Variants in APOL3 observed in about 807,000 individuals in gnomAD.
The protein encoded by APOL3 is apolipoprotein L3.
Under a neutral mutation model 11.6 loss-of-function variants are expected in APOL3, and 14 were observed. The ratio of observed to expected loss-of-function variants is 1.21; its 90% CI spans 0.80 to 1.89. The LOEUF is 1.89. Among genes scored for constraint, APOL3 ranks in the 40% most tolerant of loss-of-function variants. The pLI is 0.00. For synonymous variants in APOL3, 192 were observed against 190.6 expected (o/e 1.01, Z -0.06); for missense variants, 483 against 492.1 (o/e 0.98, Z 0.17).
intron 2 of APOL3, among the ~76,000 whole-genome samples, chr22:36,143,351 T>G (rs1232238057): frequency 5.3e-5 from 8 of 152,252 alleles, no homozygotes; most frequent in Admixed American, 5.2e-4. Flanking sequence ...CTGTGTTCTT[T>G]CCCTGTGATA....
chr22:36,149,440 G>C (rs966560272), intron 1 of APOL3: 241 of 1,254,612 alleles, frequency 1.9e-4, no homozygotes, highest in Admixed American at 3.9e-4. Context: ...AAACTACAGA[G>C]TCTATACACC....
upstream of APOL3, among the ~76,000 whole-genome samples, chr22:36,163,167 G>C (rs905551327): frequency 2.6e-5 from 4 of 152,300 alleles, no homozygotes; most frequent in Admixed American, 6.5e-5. Context: ...GAGGCAAAAT[G>C]GTTTCTTATG....
At chr22:36,158,951 G>C (rs781452459) in intron 1 of APOL3, among the ~76,000 whole-genome samples, 29 of 145,778 alleles carry the variant, frequency 2.0e-4, no homozygotes, top group Non-Finnish European at 2.9e-4. Context: ...AATCTGAATA[G>C]CAGGTGTGAG....
intron 2 of APOL3, 70 bp downstream of exon 3, chr22:36,145,403 A>G: frequency 6.4e-7 from 1 of 1,557,594 alleles, no homozygotes; most frequent in Non-Finnish European, 8.7e-7. Flanking sequence ...CCTGCCAGAG[A>G]AAACTAGCCC....
exon 3 of APOL3, chr22:36,140,953 T>C (rs2059961673): frequency 3.9e-6 from 2 of 511,910 alleles, no homozygotes; most frequent in Non-Finnish European, 6.8e-6. Flanking sequence ...TTCTTCTTCC[T>C]ATTCCCCACA....
chr22:36,144,287 C>T (rs911939181), intron 2 of APOL3, among the ~76,000 whole-genome samples: 3 of 152,170 alleles, frequency 2.0e-5, no homozygotes, highest in African/African-American at 7.2e-5. Flanking sequence ...GCTGCTCCTC[C>T]AACCCAGGCC....
upstream of APOL3, among the ~76,000 whole-genome samples, chr22:36,161,711 T>TG (rs1355973901): frequency 2.0e-5 from 3 of 152,024 alleles, no homozygotes; most frequent in Non-Finnish European, 1.5e-5. Context: ...CTGAACAAAG[T>TG]GGGGGGCGGA....
upstream of APOL3, among the ~76,000 whole-genome samples, chr22:36,163,727 A>C (rs1258036031): frequency 1.3e-5 from 2 of 152,338 alleles, no homozygotes; most frequent in East Asian, 3.9e-4. Flanking sequence ...ATGGTCAAGG[A>C]TATTGGGATG....
At chr22:36,141,174 C>T (rs150178861) in exon 3 of APOL3, 1 of 1,600,342 alleles carries the variant, frequency 6.2e-7, no homozygotes, top group Non-Finnish European at 8.5e-7. Flanking sequence ...TGGCTCACCT[C>T]CCCTGCTGGC....
Position 36,160,775 on chromosome 22 carries a change from G to C in APOL3, c.117C>G (p.Ser39Arg), listed in dbSNP as rs132653. 6.2e-7 allele frequency: 1 copy of C among 1,613,900 alleles called. No homozygotes were observed. The highest frequency in any genetic ancestry group is 8.5e-7 in the Non-Finnish European group (1 of 1,179,966). ...CATAATAACCAGACACGTTCTCCAG[G>C]CTCTGAGATATACCCTGGAACCCAA... The change falls in exon 1 of 3, where the codon AGC (serine) becomes AGG (arginine). Residue 39 changes from serine (S) to arginine (R), a missense_variant. Ser to Arg is a moderately radical substitution (Grantham distance 110). Transcript: ENST00000349314.
upstream of APOL3, among the ~76,000 whole-genome samples, chr22:36,163,356 T>A (rs1444206471): frequency 6.6e-6 from 1 of 152,172 alleles, no homozygotes; most frequent in African/African-American, 2.4e-5. Flanking sequence ...CCATAGTGGG[T>A]CATAACCTTT....
chr22:36,157,798 C>T (rs1333190137), intron 1 of APOL3, among the ~76,000 whole-genome samples: 1 of 152,062 alleles, frequency 6.6e-6, no homozygotes, highest in Non-Finnish European at 1.5e-5. Flanking sequence ...ACCTGTAATC[C>T]CAGCACTTTG....
intron 1 of APOL3, chr22:36,150,097 C>T (rs1296610585): frequency 5.7e-6 from 2 of 348,434 alleles, no homozygotes; most frequent in African/African-American, 4.3e-5. Context: ...CAGGCATCAG[C>T]CACTACAACC....
exon 3 of APOL3, chr22:36,141,057 T>A: frequency 7.9e-7 from 1 of 1,259,142 alleles, no homozygotes; most frequent in Non-Finnish European, 1.1e-6. Flanking sequence ...TCCCCTGCTG[T>A]GCTCAGCTAC....
intron 1 of APOL3, among the ~76,000 whole-genome samples, chr22:36,157,867 T>C (rs2013148573): frequency 6.6e-6 from 1 of 152,074 alleles, no homozygotes; most frequent in Non-Finnish European, 1.5e-5. Flanking sequence ...CTGACCAATA[T>C]GGTGAAACTC....
intron 1 of APOL3, among the ~76,000 whole-genome samples, chr22:36,150,478 C>T (rs572071600): frequency 6.6e-6 from 1 of 152,264 alleles, no homozygotes; most frequent in South Asian, 2.1e-4. Flanking sequence ...CAGCGACTTG[C>T]CCAATCTCAG....
At chr22:36,162,242 A>AC (rs898097100), upstream of APOL3, among the ~76,000 whole-genome samples, 5 of 151,652 alleles carry the variant, frequency 3.3e-5, no homozygotes, top group African/African-American at 4.9e-5. Context: ...CCATTCTAAG[A>AC]CCCCCCTAAC....
exon 3 of APOL3, chr22:36,141,345 T>C (rs1208108559): frequency 3.1e-6 from 5 of 1,614,066 alleles, no homozygotes; most frequent in African/African-American, 1.3e-5. Flanking sequence ...GTATACAAGG[T>C]TGACCACATC....
At chr22:36,158,616 G>A (rs572806967) in intron 1 of APOL3, among the ~76,000 whole-genome samples, 3 of 152,244 alleles carry the variant, frequency 2.0e-5, no homozygotes, top group South Asian at 4.2e-4. Flanking sequence ...TCAGGAGATC[G>A]AGAACATCCT....
Sources: gnomAD v4.1 joint callset for allele counts (sites outside exome capture counted in the v4.1 genomes callset) on GRCh38, gnomAD v4.1.1 for gene constraint, MANE v1.5 for transcripts, NCBI Gene and HGNC (gene_info 2026-07-23, HGNC 2026-07-21) for gene names.